The following BACH2 variants were observed in gnomAD, a reference collection of about 807,000 sequenced individuals.
BACH2 encodes the protein BACH transcriptional regulator 2.
Under a neutral mutation model 61.8 loss-of-function variants are expected in BACH2, and 5 were observed. The ratio of observed to expected loss-of-function variants is 0.08; its 90% CI spans 0.04 to 0.17. BACH2 has a LOEUF of 0.17. Among genes scored for constraint, BACH2 ranks in the 10% least tolerant of loss-of-function variants. The probability of loss-of-function intolerance (pLI) is 1.00; values close to 1 mark genes in which losing one functional copy is unlikely to be tolerated. For synonymous variants in BACH2, 446 were observed against 440.1 expected, an observed-to-expected ratio of 1.01 and a Z score of -0.17; for missense variants, 824 against 1,091.1, an observed-to-expected ratio of 0.76 and a Z score of 3.45.
intron 1 of BACH2, among the ~76,000 whole-genome samples, chr6:90,294,772 A>G (rs1304692324): frequency 6.6e-6 from 1 of 152,160 alleles, no homozygotes; most frequent in Non-Finnish European, 1.5e-5. Context: ...CCGCCAAAGG[A>G]GGGGCAGCCT....
chr6:90,082,408 T>C (rs1781761368), intron 5 of BACH2, among the ~76,000 whole-genome samples: 1 of 152,060 alleles, frequency 6.6e-6, no homozygotes, highest in African/African-American at 2.4e-5. Flanking sequence ...TCCACACAGC[T>C]ATCTGTTCTT....
intron 5 of BACH2, among the ~76,000 whole-genome samples, chr6:90,056,234 G>A (rs1422124464): frequency 2.0e-5 from 3 of 152,104 alleles, no homozygotes; most frequent in Admixed American, 1.3e-4. Flanking sequence ...CCCATCTCAC[G>A]TGCAGAGACA....
intron 4 of BACH2, among the ~76,000 whole-genome samples, chr6:90,175,826 A>G (rs1365151462): frequency 6.6e-6 from 1 of 152,076 alleles, no homozygotes; most frequent in East Asian, 1.9e-4. Context: ...AAAATTCACC[A>G]ATCTAGAGAC....
intron 6 of BACH2, among the ~76,000 whole-genome samples, chr6:89,997,929 G>A (rs1776940925): frequency 1.3e-5 from 2 of 152,098 alleles, no homozygotes; most frequent in Non-Finnish European, 2.9e-5. Context: ...AGAATAAGCT[G>A]TCATTTGGTT....
rs755356618 is a variant in BACH2 at position 89,950,315 on chromosome 6, C to T, written c.1791G>A (p.Ser597=). 3.8e-5 allele frequency: 61 copies of T among 1,614,012 alleles called. No homozygotes were observed. The Admixed American group carries it at 5.8e-4, about 15-fold the overall frequency. The change falls in exon 7 of 9, where the codon TCG becomes TCA. Residue 597 remains serine (S), a synonymous_variant. Coordinates refer to ENST00000257749, the MANE Select transcript of BACH2 (RefSeq NM_021813.4). This position sits in a 1 kb window ranked among gnomAD's most constrained non-coding sequence, Gnocchi z 5.3. The part of the protein sequence containing the change: ...TNSSDESGSF[S]EADSESCPVQ... ...CAGGACACGACTCACTGTCTGCTTC[C>T]GAGAACGATCCGGATTCGTCACTGG...
intron 4 of BACH2, among the ~76,000 whole-genome samples, chr6:90,162,049 G>T (rs1008070362): frequency 6.6e-6 from 1 of 152,050 alleles, no homozygotes; most frequent in Non-Finnish European, 1.5e-5. Context: ...CAACAATGCT[G>T]CTCCAGAGAA....
intron 8 of BACH2, among the ~76,000 whole-genome samples, chr6:89,934,788 A>G (rs551067768): frequency 6.6e-6 from 1 of 152,268 alleles, no homozygotes; most frequent in East Asian, 1.9e-4. Flanking sequence ...AACCCTTTGC[A>G]AGCGCAGGCA....
chr6:90,014,462 A>ATTTT (rs1186650721), intron 5 of BACH2, among the ~76,000 whole-genome samples: 3 of 65,208 alleles, frequency 4.6e-5, no homozygotes, highest in African/African-American at 2.8e-4. Flanking sequence ...ATATATATAT[A>ATTTT]TATATATTTT....
chr6:90,198,301 G>T (rs1162163194), intron 4 of BACH2, among the ~76,000 whole-genome samples: 7 of 152,060 alleles, frequency 4.6e-5, no homozygotes, highest in Admixed American at 6.6e-5. Context: ...ATGTTGAAAT[G>T]CCCCCATGAT....
chr6:90,008,578 A>G lies in BACH2; in HGVS notation c.243+24T>C. 1 of 1,612,704 alleles carries G rather than the reference A, an allele frequency of 6.2e-7. No individual in the cohort carries two copies. Among genetic ancestry groups the G allele is most frequent in the South Asian group, 1.1e-5 (1 of 91,050 alleles). On this transcript the variant is annotated intron_variant, in intron 6 of 8. Transcript: ENST00000257749. The surrounding 1 kb of genome is among the most constrained non-coding windows in gnomAD (Gnocchi z 4.1). ...GTAAGTCAATAAACATTCATTAACAATCACACAAACCAAATTACTGTACCT... is the reference window on the plus strand; with the variant it reads ...GTAAGTCAATAAACATTCATTAACAGTCACACAAACCAAATTACTGTACCT...
Position 90,156,045 on chromosome 6 carries a change from A to G in BACH2, c.-162+50524T>C, listed in dbSNP as rs573323488. Reference sequence around the variant, plus strand: ...TAAAAAAGATTGGAATTCCAAGGTTAGTGAGGGAGTTCCGCTATCTGATGA... The same window carrying G: ...TAAAAAAGATTGGAATTCCAAGGTTGGTGAGGGAGTTCCGCTATCTGATGA... On this transcript the variant is annotated intron_variant, in intron 4 of 8. Transcript: ENST00000257749. 2.7e-4 allele frequency among the ~76,000 whole-genome samples: 41 copies of G among 152,294 alleles called. No individual in the cohort carries two copies. In the East Asian group the frequency reaches 7.7e-3, roughly 29 times the overall value.
At position 90,102,791 on chromosome 6, in the gene BACH2, A is replaced by AAATAATAATAAT. The variant is rs372366852; in HGVS notation, c.-161-13694_-161-13683dup. Among the ~76,000 whole-genome samples, 272 of 113,662 alleles carry AAATAATAATAAT rather than the reference A, an allele frequency of 2.4e-3. 3 individuals are homozygous for AAATAATAATAAT. Among genetic ancestry groups the AAATAATAATAAT allele is most frequent in the Non-Finnish European group, 3.5e-3 (197 of 55,654 alleles). The allele number at this position is 113,662 out of a possible 152,430, so 74.6% of individuals were successfully genotyped here. On this transcript the variant is annotated intron_variant, in intron 4 of 8. Coordinates refer to ENST00000257749, the MANE Select transcript of BACH2 (RefSeq NM_021813.4). ...GGCAACAAGAGCGAAACTCCATTTC[A>AAATAATAATAAT]AATAATAATAATAATAATAATAATA...
At chr6:90,189,594 G>A (rs571000110) in intron 4 of BACH2, among the ~76,000 whole-genome samples, 22 of 126,340 alleles carry the variant, frequency 1.7e-4, no homozygotes, top group Admixed American at 9.7e-5. Context: ...CGGCCTGGGC[G>A]ACAGAGCGAG....
At chr6:90,087,725 G>A (rs1781996174) in intron 5 of BACH2, among the ~76,000 whole-genome samples, 1 of 136,892 alleles carries the variant, frequency 7.3e-6, no homozygotes, top group South Asian at 2.7e-4. Context: ...TCCCATGTGT[G>A]TGTTTTTTTT....
chr6:89,970,810 G>A (rs942361442), intron 6 of BACH2, among the ~76,000 whole-genome samples: 4 of 152,156 alleles, frequency 2.6e-5, no homozygotes, highest in Non-Finnish European at 5.9e-5. Flanking sequence ...CTGGCTGAAA[G>A]ACAGAAAAGA....
chr6:90,290,479 G>C (rs549953451), intron 1 of BACH2, among the ~76,000 whole-genome samples: 5 of 152,172 alleles, frequency 3.3e-5, no homozygotes, highest in African/African-American at 1.2e-4. Flanking sequence ...AATGAATGAG[G>C]CATCTGCCTC....
intron 2 of BACH2, among the ~76,000 whole-genome samples, chr6:90,252,864 T>C (rs1479167343): frequency 6.6e-6 from 1 of 152,148 alleles, no homozygotes; most frequent in Non-Finnish European, 1.5e-5. Flanking sequence ...TGTGATGGGT[T>C]TGCAAAAATG....
chr6:90,116,924 T>C (rs1783425189), intron 4 of BACH2: 7 of 470,008 alleles, frequency 1.5e-5, no homozygotes, highest in Admixed American at 6.5e-5. Flanking sequence ...CCATTCCCTA[T>C]GTCCAAGTAC....
At chr6:90,015,613 C>T (rs1455097785) in intron 5 of BACH2, among the ~76,000 whole-genome samples, 1 of 152,084 alleles carries the variant, frequency 6.6e-6, no homozygotes, top group Non-Finnish European at 1.5e-5. Flanking sequence ...TGATTTAATT[C>T]CATTGTGGTC....
Sources: allele counts gnomAD v4.1 joint callset (sites outside exome capture counted in the v4.1 genomes callset), GRCh38; gene constraint gnomAD v4.1.1; non-coding constraint Gnocchi (gnomAD v3.1); transcripts MANE v1.5; gene names NCBI Gene and HGNC (gene_info 2026-07-23, HGNC 2026-07-21).